SHB: variants seen among roughly 807,000 people sequenced by gnomAD.
SHB encodes SH2 domain-containing adapter protein B.
A neutral mutation model predicts 52.3 loss-of-function variants in SHB; 20 were observed. That is an observed-to-expected ratio of 0.38 (90% confidence interval 0.27 to 0.56). SHB has a LOEUF of 0.56. SHB is among the 20% of genes least tolerant of loss of function. The pLI, the probability that SHB is intolerant of heterozygous loss-of-function variation, is 0.71. For synonymous variants in SHB, 397 were observed against 316.5 expected (o/e 1.25, Z -2.70); for missense variants, 825 against 723.3 (o/e 1.14, Z -1.61).
At chr9:37,981,152 T>C (rs1820719692) in intron 2 of SHB, among the ~76,000 whole-genome samples, 1 of 152,246 alleles carries the variant, frequency 6.6e-6, no homozygotes, top group African/African-American at 2.4e-5. Flanking sequence ...TTGACTTCCC[T>C]ATGGCTCTGA....
intron 5 of SHB, among the ~76,000 whole-genome samples, chr9:37,945,132 G>A (rs1287976064): frequency 6.6e-6 from 1 of 152,214 alleles, no homozygotes; most frequent in Non-Finnish European, 1.5e-5. Flanking sequence ...CACCCTCAGG[G>A]CAGGACAAAC....
chr9:38,030,101 G>C (rs1262068831), intron 1 of SHB, among the ~76,000 whole-genome samples: 1 of 152,160 alleles, frequency 6.6e-6, no homozygotes, highest in African/African-American at 2.4e-5. Context: ...GTCCAGTGAG[G>C]GCATGACCAG....
At position 38,068,258 on chromosome 9, in the gene SHB, C is replaced by T; in HGVS notation, c.388G>A (p.Ala130Thr). ...CCCGCGGCGCCCGACGCGGACGAGG[C>T]CGAGAAGGCGCGCTGGACCCCGCCT... ...EPGGVQRAFS[A>T]SSASGAAGCC... Residue 130 changes from alanine to threonine, a missense_variant, in exon 1 of 6, where the codon GCC (alanine) becomes ACC (threonine). Transcript: ENST00000377707. 2 of 1,445,890 alleles carry T rather than the reference C, an allele frequency of 1.4e-6. No individual in the cohort carries two copies. Among genetic ancestry groups the T allele is most frequent in the Non-Finnish European group, 1.8e-6 (2 of 1,108,200 alleles). 89.6% of individuals were successfully genotyped at this position (1,445,890 alleles called of 1,614,324 possible).
In SHB at chr9:37,919,911, T is replaced by C; in HGVS notation, c.1440A>G (p.Glu480=). Reference sequence around the variant, plus strand: ...TTCTGGTGGTGTAGTAGTGGATGACTTCCGGGACACTGTCGAACGGAGGGC... The same window carrying C: ...TTCTGGTGGTGTAGTAGTGGATGACCTCCGGGACACTGTCGAACGGAGGGC... ...QNSPPFDSVP[E]VIHYYTTRKL... The change falls in exon 6 of 6, where the codon GAA becomes GAG. Residue 480 remains glutamate (E), a synonymous_variant. Transcript: ENST00000377707. 1 of 1,614,096 alleles carries C rather than the reference T, an allele frequency of 6.2e-7. No individual in the cohort carries two copies.
chr9:37,994,925 TGAG>T (rs1448954233), intron 2 of SHB, among the ~76,000 whole-genome samples: 3 of 152,244 alleles, frequency 2.0e-5, no homozygotes, highest in Non-Finnish European at 2.9e-5. Context: ...GTGACAAGGC[TGAG>T]AAGGCATGAT....
intron 2 of SHB, among the ~76,000 whole-genome samples, chr9:37,986,412 C>A (rs1297874023): frequency 6.6e-6 from 1 of 151,926 alleles, no homozygotes; most frequent in African/African-American, 2.4e-5. Flanking sequence ...AAGGTGGGGC[C>A]AGCTATGGAG....
intron 2 of SHB, among the ~76,000 whole-genome samples, chr9:38,013,925 C>T (rs2118072117): frequency 6.6e-6 from 1 of 152,302 alleles, no homozygotes; most frequent in Admixed American, 6.5e-5. Context: ...TTCCCTCAGC[C>T]TCATGATGAA....
chr9:37,920,295 CAAAACAAAACA>C (rs896402615), intron 5 of SHB, among the ~76,000 whole-genome samples: 16 of 137,258 alleles, frequency 1.2e-4, no homozygotes, highest in African/African-American at 4.6e-4. Context: ...CAAAACAAAA[CAAAACAAAACA>C]AAACAAAACA....
chr9:37,958,422 G>C (rs1832659454), intron 3 of SHB, among the ~76,000 whole-genome samples: 1 of 152,204 alleles, frequency 6.6e-6, no homozygotes, highest in Admixed American at 6.5e-5. Context: ...CCTATGAGAG[G>C]AAGACTCACC....
chr9:38,065,343 C>T (rs1821947936), intron 1 of SHB, among the ~76,000 whole-genome samples: 1 of 152,172 alleles, frequency 6.6e-6, no homozygotes, highest in African/African-American at 2.4e-5. Context: ...GTCTCTGCAT[C>T]CCAAGGCTGC....
chr9:37,948,769 G>T lies in SHB; in HGVS notation c.1227-15C>A. The T allele has an allele frequency of 6.2e-7, 1 of 1,613,510 alleles. No individual in the cohort carries two copies. Reference sequence around the variant, plus strand: ...CGTGATACCATCTGTGGAGAGGGCAGAGAGTGGTCAGAGCCCAGCGCGATG... The same window carrying T: ...CGTGATACCATCTGTGGAGAGGGCATAGAGTGGTCAGAGCCCAGCGCGATG... On this transcript the variant is annotated splice_polypyrimidine_tract_variant and intron_variant, in intron 4 of 5. Transcript: ENST00000377707.
chr9:37,990,111 G>A (rs1029886735), intron 2 of SHB, among the ~76,000 whole-genome samples: 4 of 152,174 alleles, frequency 2.6e-5, no homozygotes, highest in African/African-American at 9.7e-5. Context: ...CACCTTGATT[G>A]AGTAGAGATG....
chr9:37,964,164 A>C (rs1832723591), intron 3 of SHB, among the ~76,000 whole-genome samples: 2 of 152,188 alleles, frequency 1.3e-5, no homozygotes, highest in Non-Finnish European at 2.9e-5. Flanking sequence ...CCTGGAAGAC[A>C]CACACAGGCC....
intron 5 of SHB, among the ~76,000 whole-genome samples, chr9:37,932,153 G>A (rs1242011334): frequency 1.3e-5 from 2 of 151,522 alleles, no homozygotes; most frequent in Admixed American, 1.3e-4. Context: ...ATGGTGGCGG[G>A]TGCCTGTAAT....
In SHB at chr9:37,918,890, A is replaced by G. The variant is rs781604478; in HGVS notation, c.*931T>C. Among the ~76,000 whole-genome samples the G allele has an allele frequency of 6.6e-6, 1 of 152,272 alleles. No individual in the cohort carries two copies. The highest frequency in any genetic ancestry group is 1.9e-4 in the East Asian group (1 of 5,168). On this transcript the variant is annotated 3_prime_UTR_variant, in exon 6 of 6. Coordinates refer to ENST00000377707, the MANE Select transcript of SHB (RefSeq NM_003028.3). The stretch of plus-strand genomic sequence containing the variant: ...GGCTCCTGACTATGTCCACTGCTGA[A>G]GCCTGAACTCTGAGCTCTGGGTTGA...
At chr9:38,066,378 T>C (rs960346986) in intron 1 of SHB, among the ~76,000 whole-genome samples, 9 of 152,076 alleles carry the variant, frequency 5.9e-5, no homozygotes, top group Non-Finnish European at 8.8e-5. Context: ...GACCTCCAGG[T>C]TTCCCCAGTG....
At chr9:38,018,325 GCTACC>G (rs1821241170) in intron 1 of SHB, among the ~76,000 whole-genome samples, 1 of 152,074 alleles carries the variant, frequency 6.6e-6, no homozygotes, top group Non-Finnish European at 1.5e-5. Flanking sequence ...TTCAGCAAGT[GCTACC>G]TATATTTTCT....
At chr9:37,935,372 G>A (rs781650341) in intron 5 of SHB, among the ~76,000 whole-genome samples, 3 of 152,196 alleles carry the variant, frequency 2.0e-5, no homozygotes, top group African/African-American at 4.8e-5. Context: ...CGGCCTCGGT[G>A]GGGCATACGC....
In SHB at chr9:37,955,962, GCTTAAAGCCCCCTCCAGGGGC is replaced by G; in HGVS notation, c.1126_1146del (p.Ala376_Lys382del). 1 of 1,611,470 alleles carries G rather than the reference GCTTAAAGCCCCCTCCAGGGGC, an allele frequency of 6.2e-7. No homozygotes were observed. The highest frequency in any genetic ancestry group is 8.5e-7 in the Non-Finnish European group (1 of 1,179,214). Reference sequence around the variant, plus strand: ...AACTCAGGGCTCCCATGTTTGATAGGCTTAAAGCCCCCTCCAGGGGCACGAAGCTGGCGCCGCCGGTCCCGC... The same window carrying G: ...AACTCAGGGCTCCCATGTTTGATAGGACGAAGCTGGCGCCGCCGGTCCCGC... On this transcript the variant is annotated inframe_deletion, in exon 4 of 6. Coordinates refer to ENST00000377707, the MANE Select transcript of SHB (RefSeq NM_003028.3).
Sources: allele counts gnomAD v4.1 joint callset (sites outside exome capture counted in the v4.1 genomes callset), GRCh38; gene constraint gnomAD v4.1.1; transcripts MANE v1.5; gene names NCBI Gene and HGNC (gene_info 2026-07-23, HGNC 2026-07-21).